Variants in HMGB1 observed in about 807,000 individuals in gnomAD.
The protein encoded by HMGB1 is high mobility group box 1, also known as high mobility group protein B1.
For synonymous variants in HMGB1, 81 were observed against 84.0 expected (o/e 0.96, Z 0.19); for missense variants, 79 against 253.5 (o/e 0.31, Z 4.67).
intron 1 of HMGB1, among the ~76,000 whole-genome samples, chr13:30,503,323 G>A (rs1024585595): frequency 2.6e-5 from 4 of 151,644 alleles, no homozygotes; most frequent in Non-Finnish European, 5.9e-5. Context: ...CAGCCTGGGT[G>A]ACAGAGCAAG....
At chr13:30,557,551 A>G (rs1199593291) in intron 1 of HMGB1, among the ~76,000 whole-genome samples, 1 of 152,194 alleles carries the variant, frequency 6.6e-6, no homozygotes, top group African/African-American at 2.4e-5. Flanking sequence ...ATGTTGACCT[A>G]AGACTCTTAC....
upstream of HMGB1, among the ~76,000 whole-genome samples, chr13:30,470,710 G>A (rs898466127): frequency 3.9e-5 from 6 of 151,960 alleles, no homozygotes; most frequent in East Asian, 7.7e-4. Flanking sequence ...GGGCGGTGGC[G>A]CGATCTTGGC....
chr13:30,556,528 A>G (rs559717803), intron 1 of HMGB1, among the ~76,000 whole-genome samples: 1 of 152,360 alleles, frequency 6.6e-6, no homozygotes, highest in African/African-American at 2.4e-5. Flanking sequence ...CAACAGATGA[A>G]TGAATGAAGA....
At chr13:30,517,261 G>A (rs919114790) in intron 1 of HMGB1, among the ~76,000 whole-genome samples, 1 of 152,226 alleles carries the variant, frequency 6.6e-6, no homozygotes, top group Non-Finnish European at 1.5e-5. Flanking sequence ...AAGTTCCCAG[G>A]TGATGTGAAG....
At chr13:30,512,172 C>A (rs907829199) in intron 1 of HMGB1, among the ~76,000 whole-genome samples, 4 of 151,636 alleles carry the variant, frequency 2.6e-5, no homozygotes, top group African/African-American at 9.7e-5. Context: ...GATTGATTGG[C>A]AAGAGTAAAT....
chr13:30,463,876 G>A, intron 1 of HMGB1, 182 bp from the exon 2 acceptor site: 2 of 536,672 alleles, frequency 3.7e-6, no homozygotes, highest in Non-Finnish European at 3.1e-6. Context: ...GCTATGCCAA[G>A]CAAACAAAAC....
At chr13:30,534,615 G>A (rs923823372) in intron 1 of HMGB1, among the ~76,000 whole-genome samples, 1 of 137,516 alleles carries the variant, frequency 7.3e-6, no homozygotes, top group Admixed American at 7.3e-5. Flanking sequence ...GGTTCAAGCT[G>A]CTTTTTTTTT....
chr13:30,471,783 C>T (rs1305848243), intron 1 of HMGB1, among the ~76,000 whole-genome samples: 1 of 150,084 alleles, frequency 6.7e-6, no homozygotes, highest in Admixed American at 6.7e-5. Flanking sequence ...ATTCTCCTGC[C>T]TCAGCCTCCA....
At chr13:30,584,785 T>G (rs1871069016) in intron 1 of HMGB1, among the ~76,000 whole-genome samples, 1 of 152,192 alleles carries the variant, frequency 6.6e-6, no homozygotes. Context: ...TGCTTACAAT[T>G]AACACAATTT....
intron 1 of HMGB1, among the ~76,000 whole-genome samples, chr13:30,612,508 T>C (rs150969118): frequency 1.3e-5 from 2 of 152,348 alleles, no homozygotes; most frequent in East Asian, 1.9e-4. Context: ...TATGTGAATG[T>C]AGTTACTAAA....
At chr13:30,600,241 A>G (rs1269292521) in intron 1 of HMGB1, among the ~76,000 whole-genome samples, 1 of 152,168 alleles carries the variant, frequency 6.6e-6, no homozygotes, top group Admixed American at 6.5e-5. Context: ...TTAAGTGATC[A>G]TCAGCCACTA....
At chr13:30,473,417 G>C (rs1342597269) in intron 1 of HMGB1, among the ~76,000 whole-genome samples, 1 of 152,148 alleles carries the variant, frequency 6.6e-6, no homozygotes, top group Non-Finnish European at 1.5e-5. Context: ...AGTGGAAAAC[G>C]CAATAGTAAA....
At chr13:30,556,243 A>G (rs1211004150) in intron 1 of HMGB1, among the ~76,000 whole-genome samples, 1 of 152,186 alleles carries the variant, frequency 6.6e-6, no homozygotes, top group Non-Finnish European at 1.5e-5. Flanking sequence ...TGTCTCTACT[A>G]AAAACACAAA....
At chr13:30,603,443 T>C (rs1025870545) in intron 1 of HMGB1, among the ~76,000 whole-genome samples, 3 of 152,210 alleles carry the variant, frequency 2.0e-5, no homozygotes, top group African/African-American at 7.2e-5. Context: ...CCACACTAAG[T>C]CTTATTTAGG....
chr13:30,463,122 CTA>C, intron 3 of HMGB1, 83 bp downstream of exon 3: 1 of 1,332,710 alleles, frequency 7.5e-7, no homozygotes, highest in Non-Finnish European at 1.1e-6. Flanking sequence ...CATTTACACT[CTA>C]AACTGACAAA....
chr13:30,462,722 A>C lies in HMGB1; in HGVS notation c.297-10T>G, dbSNP rs753183343. On this transcript the variant is annotated splice_polypyrimidine_tract_variant and intron_variant, in intron 3 of 4. Transcript: ENST00000341423. ...GAGGAAGAAGGCCGAACTAAAAAAA[A>C]AATTAATTTTAGGATTTTAAGTTAA... The C allele has an allele frequency of 1.2e-6, 2 of 1,609,072 alleles. No individual in the cohort carries two copies. Among genetic ancestry groups the C allele is most frequent in the South Asian group, 2.2e-5 (2 of 90,282 alleles).
At chr13:30,571,503 C>T (rs61947784) in intron 1 of HMGB1, among the ~76,000 whole-genome samples, 6,413 of 152,100 alleles carry the variant, frequency 0.042, 185 homozygotes, top group Middle Eastern at 0.099. Context: ...ACCATGCTGG[C>T]CAGGCTGGTC....
intron 1 of HMGB1, among the ~76,000 whole-genome samples, chr13:30,585,520 A>C (rs1871104396): frequency 6.6e-6 from 1 of 151,958 alleles, no homozygotes; most frequent in Non-Finnish European, 1.5e-5. Context: ...AAAAATGCAA[A>C]ATACAAAATA....
At chr13:30,496,035 G>A (rs1351362999) in intron 1 of HMGB1, among the ~76,000 whole-genome samples, 1 of 152,108 alleles carries the variant, frequency 6.6e-6, no homozygotes, top group Non-Finnish European at 1.5e-5. Flanking sequence ...CTATAACTCA[G>A]CCTAATATGC....
Sources: gnomAD v4.1 joint callset for allele counts (sites outside exome capture counted in the v4.1 genomes callset) on GRCh38, gnomAD v4.1.1 for gene constraint, MANE v1.5 for transcripts, NCBI Gene and HGNC (gene_info 2026-07-23, HGNC 2026-07-21) for gene names.